NRXN1: variants seen among roughly 807,000 people sequenced by gnomAD.
NRXN1 encodes neurexin 1.
Under a neutral mutation model 150.9 loss-of-function variants are expected in NRXN1, and 39 were observed. The observed-to-expected ratio is 0.26, with a 90% confidence interval of 0.20 to 0.34. The LOEUF is 0.34. Among genes scored for constraint, NRXN1 ranks in the 10% least tolerant of loss-of-function variants. The pLI, the probability that NRXN1 is intolerant of heterozygous loss-of-function variation, is 1.00. For synonymous variants in NRXN1, 924 were observed against 757.0 expected (o/e 1.22, Z -3.62); for missense variants, 1,815 against 1,949.9 (o/e 0.93, Z 1.30).
chr2:50,200,470 T>A (rs1488106880), intron 18 of NRXN1, among the ~76,000 whole-genome samples: 1 of 152,096 alleles, frequency 6.6e-6, no homozygotes, highest in Non-Finnish European at 1.5e-5. Flanking sequence ...GAGTTGGAAA[T>A]TTTTTTAACA....
At chr2:50,690,318 A>G (rs1490567416) in intron 5 of NRXN1, among the ~76,000 whole-genome samples, 1 of 152,208 alleles carries the variant, frequency 6.6e-6, no homozygotes, top group Non-Finnish European at 1.5e-5. Flanking sequence ...TATAAAATAG[A>G]ATATTCCAGA....
intron 5 of NRXN1, among the ~76,000 whole-genome samples, chr2:50,833,076 A>T (rs1413372124): frequency 2.6e-5 from 4 of 152,226 alleles, no homozygotes; most frequent in African/African-American, 4.8e-5. Context: ...AAAGTTTAGC[A>T]TTAGTCATCA....
In NRXN1 at chr2:50,125,046, C is replaced by T. The variant is rs561875537; in HGVS notation, c.3547-33552G>A. Among the ~76,000 whole-genome samples the T allele has an allele frequency of 5.4e-4, 82 of 152,038 alleles. 1 individual carries two copies. In the South Asian group the frequency reaches 0.01, roughly 19 times the overall value. ...ATATGTATACAAACATATACATGTA[C>T]GTACATGAGTAACAACAGAAAATGA... is the stretch of plus-strand genomic sequence containing the variant. On this transcript the variant is annotated intron_variant, in intron 18 of 22. Transcript: ENST00000401669.
chr2:50,043,451 C>T (rs1464002404), intron 21 of NRXN1, among the ~76,000 whole-genome samples: 2 of 152,144 alleles, frequency 1.3e-5, no homozygotes, highest in African/African-American at 4.8e-5. Flanking sequence ...AATGTCACCA[C>T]AGAATTTGAA....
Position 50,827,579 on chromosome 2 carries a change from A to C in NRXN1, c.832+94290T>G, listed in dbSNP as rs116840672. ...CAATAGCAATAAATTATTGATTTCC[A>C]CATCTAAAATTAATGTTTTTATTTA... On this transcript the variant is annotated intron_variant, in intron 5 of 22. Coordinates refer to ENST00000401669, the MANE Select transcript of NRXN1 (RefSeq NM_001330078.2). Among the ~76,000 whole-genome samples the C allele has an allele frequency of 9.1e-3, 1,388 of 152,320 alleles. 6 individuals are homozygous for C. The highest frequency in any genetic ancestry group is 0.014 in the Non-Finnish European group (935 of 68,018).
chr2:50,261,354 G>A (rs998828991), intron 17 of NRXN1, among the ~76,000 whole-genome samples: 5 of 151,726 alleles, frequency 3.3e-5, no homozygotes, highest in Admixed American at 2.6e-4. Context: ...TCTAAGGTAC[G>A]CTCAGAGAGA....
At chr2:50,447,964 G>A (rs938373815) in intron 17 of NRXN1, among the ~76,000 whole-genome samples, 3 of 151,386 alleles carry the variant, frequency 2.0e-5, no homozygotes, top group Non-Finnish European at 4.4e-5. Flanking sequence ...AAAGTGTATC[G>A]TAAAATATAC....
intron 5 of NRXN1, among the ~76,000 whole-genome samples, chr2:50,630,122 A>G (rs1408739538): frequency 3.3e-5 from 5 of 151,736 alleles, no homozygotes; most frequent in African/African-American, 9.7e-5. Context: ...CCGACACACT[A>G]TAACTTAGAA....
chr2:51,011,697 G>A (rs1667900135), intron 2 of NRXN1, among the ~76,000 whole-genome samples: 1 of 151,988 alleles, frequency 6.6e-6, no homozygotes, highest in Non-Finnish European at 1.5e-5. Context: ...AAAATGGTAA[G>A]AAATGAGTCT....
At chr2:50,283,150 T>C (rs1449467283) in intron 17 of NRXN1, among the ~76,000 whole-genome samples, 1 of 152,174 alleles carries the variant, frequency 6.6e-6, no homozygotes, top group African/African-American at 2.4e-5. Flanking sequence ...CAAGTGAATA[T>C]AAAAAAGTAT....
intron 2 of NRXN1, among the ~76,000 whole-genome samples, chr2:50,993,204 T>C (rs1056646023): frequency 7.2e-5 from 11 of 151,928 alleles, no homozygotes; most frequent in Non-Finnish European, 2.9e-5. Context: ...AGGTAGTCAT[T>C]CAATATTTAT....
At chr2:50,988,647 A>G (rs1038361118) in intron 2 of NRXN1, among the ~76,000 whole-genome samples, 7 of 151,960 alleles carry the variant, frequency 4.6e-5, no homozygotes, top group African/African-American at 1.4e-4. Context: ...TTGTACTGAG[A>G]TATAATTCCT....
chr2:50,539,121 T>C (rs2093334152), intron 9 of NRXN1, among the ~76,000 whole-genome samples: 1 of 142,292 alleles, frequency 7.0e-6, no homozygotes, highest in African/African-American at 2.8e-5. Flanking sequence ...TGTCAAAACC[T>C]GACTTCATCA....
chr2:50,228,671 C>T (rs2064640954), intron 18 of NRXN1, among the ~76,000 whole-genome samples: 1 of 151,832 alleles, frequency 6.6e-6, no homozygotes, highest in South Asian at 2.1e-4. Flanking sequence ...TTTCATAGGC[C>T]AAAAGCCTTA....
intron 17 of NRXN1, among the ~76,000 whole-genome samples, chr2:50,461,253 G>A (rs1340653391): frequency 6.6e-6 from 1 of 151,900 alleles, no homozygotes; most frequent in Non-Finnish European, 1.5e-5. Flanking sequence ...TCTTGGCAAA[G>A]TTTAGGATTC....
At chr2:50,112,602 A>G (rs544362069) in intron 18 of NRXN1, among the ~76,000 whole-genome samples, 40 of 152,252 alleles carry the variant, frequency 2.6e-4, no homozygotes, top group Non-Finnish European at 4.6e-4. Context: ...GAACTTTTAG[A>G]TGGAGATAGG....
intron 21 of NRXN1, among the ~76,000 whole-genome samples, chr2:50,046,608 A>C (rs919610880): frequency 1.3e-5 from 2 of 152,192 alleles, no homozygotes; most frequent in Non-Finnish European, 2.9e-5. Flanking sequence ...TGAAGTGGCC[A>C]TCATTTCATA....
At chr2:50,860,278 G>A (rs947408554) in intron 5 of NRXN1, among the ~76,000 whole-genome samples, 7 of 151,800 alleles carry the variant, frequency 4.6e-5, no homozygotes, top group African/African-American at 1.7e-4. Context: ...AAATTGTGAG[G>A]TATGTCACTT....
intron 16 of NRXN1, 111 bp from the exon 17 acceptor site, chr2:50,465,672 A>C: frequency 8.4e-7 from 1 of 1,192,738 alleles, no homozygotes; most frequent in Non-Finnish European, 1.1e-6. Flanking sequence ...ATATGTCCAA[A>C]CTAGTTTTTA....
Sources: allele counts gnomAD v4.1 joint callset (sites outside exome capture counted in the v4.1 genomes callset), GRCh38; gene constraint gnomAD v4.1.1; transcripts MANE v1.5; gene names NCBI Gene and HGNC (gene_info 2026-07-23, HGNC 2026-07-21).